KLHL2: variants seen among roughly 807,000 people sequenced by gnomAD.
The protein encoded by KLHL2 is kelch like family member 2.
KLHL2 carries 15 observed loss-of-function variants against 75.8 expected under a neutral mutation model. That is an observed-to-expected ratio of 0.20 (90% CI 0.13 to 0.30). KLHL2 has a LOEUF of 0.30. Among genes scored for constraint, KLHL2 ranks in the 10% least tolerant of loss-of-function variants. The pLI is 1.00. For synonymous variants in KLHL2, 214 were observed against 251.9 expected, an observed-to-expected ratio of 0.85 and a Z score of 1.42; for missense variants, 381 against 741.0, an observed-to-expected ratio of 0.51 and a Z score of 5.64.
intron 2 of KLHL2, among the ~76,000 whole-genome samples, chr4:165,221,725 T>G (rs1349423028): frequency 3.3e-5 from 5 of 152,192 alleles, no homozygotes. Flanking sequence ...AACTGAATAT[T>G]GGATCATTTA....
intron 4 of KLHL2, among the ~76,000 whole-genome samples, chr4:165,253,130 G>C (rs9761388): frequency 0.056 from 8,552 of 152,224 alleles, 545 homozygotes; most frequent in African/African-American, 0.16. Context: ...CTCCTCCTGG[G>C]TTCAGGCGAT....
intron 5 of KLHL2, among the ~76,000 whole-genome samples, chr4:165,285,599 G>A (rs1394914844): frequency 6.6e-6 from 1 of 152,016 alleles, no homozygotes; most frequent in East Asian, 1.9e-4. Context: ...TAGAGACGGG[G>A]TTTCATCATG....
At chr4:165,273,066 T>C (rs1291163436) in intron 5 of KLHL2, among the ~76,000 whole-genome samples, 1 of 152,186 alleles carries the variant, frequency 6.6e-6, no homozygotes, top group African/African-American at 2.4e-5. Flanking sequence ...TTATGAAAAA[T>C]TGCAAGCATG....
chr4:165,315,040 T>A (rs1454935291), intron 13 of KLHL2, among the ~76,000 whole-genome samples: 2 of 152,076 alleles, frequency 1.3e-5, no homozygotes, highest in Non-Finnish European at 2.9e-5. Flanking sequence ...TATAGTTAAT[T>A]CTGTTTGGCC....
chr4:165,237,335 A>G (rs1022167370), intron 3 of KLHL2, among the ~76,000 whole-genome samples: 2 of 146,972 alleles, frequency 1.4e-5, no homozygotes, highest in African/African-American at 5.2e-5. Context: ...CATACAACTC[A>G]GTCCCCTTTC....
At chr4:165,210,581 CTG>C (rs1488615656) in intron 1 of KLHL2, among the ~76,000 whole-genome samples, 2 of 152,280 alleles carry the variant, frequency 1.3e-5, no homozygotes, top group African/African-American at 2.4e-5. Context: ...GATATTGAGA[CTG>C]TGTTACATTT....
intron 5 of KLHL2, among the ~76,000 whole-genome samples, chr4:165,271,106 T>G (rs996665699): frequency 3.9e-5 from 6 of 152,214 alleles, no homozygotes; most frequent in Non-Finnish European, 8.8e-5. Flanking sequence ...TTGTTCTTTT[T>G]GCTTAGGATT....
At chr4:165,305,947 G>T (rs532690694) in intron 9 of KLHL2, among the ~76,000 whole-genome samples, 2 of 152,302 alleles carry the variant, frequency 1.3e-5, no homozygotes, top group African/African-American at 4.8e-5. Flanking sequence ...TTTAGTGTAA[G>T]GTGGGAGAGC....
At chr4:165,321,271 AAAC>A (rs1387363631) in intron 14 of KLHL2, 6 of 455,946 alleles carry the variant, frequency 1.3e-5, no homozygotes, top group African/African-American at 1.0e-4. Flanking sequence ...GCCACCCCTG[AAAC>A]AACAAGACCA....
chr4:165,278,975 C>A (rs1164547084), intron 5 of KLHL2: 1 of 1,492,538 alleles, frequency 6.7e-7, no homozygotes, highest in Non-Finnish European at 9.4e-7. Flanking sequence ...CATTGGAATT[C>A]CAAAAAATTC....
chr4:165,261,614 C>G (rs1313416522), intron 4 of KLHL2, among the ~76,000 whole-genome samples: 1 of 152,214 alleles, frequency 6.6e-6, no homozygotes, highest in Non-Finnish European at 1.5e-5. Context: ...GCTGGGATTA[C>G]AGGCGTGAGC....
At chr4:165,264,632 G>T (rs1406256636) in intron 5 of KLHL2, among the ~76,000 whole-genome samples, 2 of 124,796 alleles carry the variant, frequency 1.6e-5, no homozygotes, top group African/African-American at 6.3e-5. Flanking sequence ...GTATATACAC[G>T]TATATATGTA....
At chr4:165,251,090 GT>G (rs1296920188) in intron 4 of KLHL2, among the ~76,000 whole-genome samples, 13 of 150,364 alleles carry the variant, frequency 8.6e-5, no homozygotes, top group Middle Eastern at 3.4e-3. Flanking sequence ...GTAAAAAAGG[GT>G]TTGGCAGATG....
In KLHL2 at chr4:165,231,683, C is replaced by T. The variant is rs557734497; in HGVS notation, c.259+2770C>T. ...GTTGATGGATGTTTTTGTGTTGTTT[C>T]GATTTTTGGCTATTATGAATAATAC... On this transcript the variant is annotated intron_variant, in intron 3 of 14. Transcript: ENST00000226725. Among the ~76,000 whole-genome samples, 3 of 152,084 alleles carry T rather than the reference C, an allele frequency of 2.0e-5. No individual in the cohort carries two copies. The South Asian group carries it at 6.2e-4, about 32-fold the overall frequency.
At position 165,299,536 on chromosome 4, in the gene KLHL2, T is replaced by G; in HGVS notation, c.801T>G (p.Asn267Lys). ...QRVEEEALVKNSSACKDYLIE... is the reference protein window; with the variant it reads ...QRVEEEALVKKSSACKDYLIE... ...TTGAAGAGGAAGCATTGGTCAAGAATAGCAGTGCTTGCAAAGATTACCTCA... is the reference window on the plus strand; with the variant it reads ...TTGAAGAGGAAGCATTGGTCAAGAAGAGCAGTGCTTGCAAAGATTACCTCA... Residue 267 changes from asparagine to lysine, a missense_variant, in exon 8 of 15, where the codon AAT (asparagine) becomes AAG (lysine). Coordinates refer to ENST00000226725, the MANE Select transcript of KLHL2 (RefSeq NM_007246.4). 1 of 1,613,550 alleles carries G rather than the reference T, an allele frequency of 6.2e-7. No individual in the cohort carries two copies. The highest frequency in any genetic ancestry group is 8.5e-7 in the Non-Finnish European group (1 of 1,179,728).
At chr4:165,312,457 C>T (rs1579186026) in intron 11 of KLHL2, among the ~76,000 whole-genome samples, 1 of 151,402 alleles carries the variant, frequency 6.6e-6, no homozygotes, top group Non-Finnish European at 1.5e-5. Flanking sequence ...GGCAAATTTG[C>T]AGGTTTCCAC....
intron 4 of KLHL2, among the ~76,000 whole-genome samples, chr4:165,240,876 G>A (rs1041488028): frequency 6.6e-6 from 1 of 152,180 alleles, no homozygotes; most frequent in Non-Finnish European, 1.5e-5. Flanking sequence ...GTTTGTAGTA[G>A]TTCTTGTGGT....
At chr4:165,215,949 G>A (rs1329762485) in intron 1 of KLHL2, among the ~76,000 whole-genome samples, 2 of 152,098 alleles carry the variant, frequency 1.3e-5, no homozygotes, top group South Asian at 2.1e-4. Context: ...CATGTGAGAA[G>A]GGGTGGTTAT....
chr4:165,294,561 T>A (rs1287592973), intron 6 of KLHL2, 93 bp downstream of exon 6: 3 of 590,004 alleles, frequency 5.1e-6, no homozygotes, highest in Non-Finnish European at 8.9e-6. Context: ...ATCCTGTATG[T>A]GTAGTGACAG....
Sources: allele counts gnomAD v4.1 joint callset (sites outside exome capture counted in the v4.1 genomes callset), GRCh38; gene constraint gnomAD v4.1.1; transcripts MANE v1.5; gene names NCBI Gene and HGNC (gene_info 2026-07-23, HGNC 2026-07-21).